ST3GAL3: variants seen among roughly 807,000 people sequenced by gnomAD.
The protein encoded by ST3GAL3 is ST3 beta-galactoside alpha-2,3-sialyltransferase 3, also known as CMP-N-acetylneuraminate-beta-1,4-galactoside alpha-2,3-sialyltransferase.
ST3GAL3 carries 21 observed loss-of-function variants against 50.1 expected under a neutral mutation model. The ratio of observed to expected loss-of-function variants is 0.42; its 90% CI spans 0.30 to 0.60. The LOEUF (loss-of-function observed/expected upper bound fraction) is 0.60. Ranked by LOEUF, ST3GAL3 falls within the 20% of genes least tolerant of loss-of-function variation. ST3GAL3 has a pLI of 0.19. For missense variants in ST3GAL3, 353 were observed against 489.4 expected (o/e 0.72, Z 2.63); for synonymous variants, 183 against 190.0 (o/e 0.96, Z 0.30).
chr1:43,810,438 A>C (rs1219322888), intron 3 of ST3GAL3, among the ~76,000 whole-genome samples: 1 of 152,148 alleles, frequency 6.6e-6, no homozygotes, highest in African/African-American at 2.4e-5. Context: ...CATTATGAGA[A>C]GGGTTTGACA....
At chr1:43,719,076 G>A (rs1289474112) in intron 1 of ST3GAL3, 1 of 152,084 alleles carries the variant, frequency 6.6e-6, no homozygotes, top group Non-Finnish European at 1.5e-5. Context: ...AACCATTGTA[G>A]ATCATTTGAT....
intron 2 of ST3GAL3, among the ~76,000 whole-genome samples, chr1:43,771,730 TTGTGTGTG>T (rs143955404): frequency 0.018 from 2,577 of 144,950 alleles, 49 homozygotes; most frequent in African/African-American, 0.053. Flanking sequence ...TTTAATAAAG[TTGTGTGTG>T]TGTGTGTGTG....
At chr1:43,801,239 G>T (rs1381203354) in intron 3 of ST3GAL3, 2 of 455,990 alleles carry the variant, frequency 4.4e-6, no homozygotes, top group Admixed American at 4.7e-5. Flanking sequence ...ATTTGTGGTT[G>T]TCATCAGTAG....
chr1:43,793,960 C>T (rs1398209772), intron 3 of ST3GAL3, among the ~76,000 whole-genome samples: 5 of 151,594 alleles, frequency 3.3e-5, no homozygotes, highest in Admixed American at 6.6e-5. Context: ...TGGCGTGTGC[C>T]TGTAGTCTGA....
chr1:43,885,430 C>T (rs1458202123), intron 5 of ST3GAL3, among the ~76,000 whole-genome samples: 1 of 152,060 alleles, frequency 6.6e-6, no homozygotes, highest in Non-Finnish European at 1.5e-5. Flanking sequence ...CCTGAGGCTG[C>T]CTCGCGTGCC....
chr1:43,769,119 A>C (rs925389960), intron 2 of ST3GAL3, among the ~76,000 whole-genome samples: 3 of 152,248 alleles, frequency 2.0e-5, no homozygotes, highest in Admixed American at 6.5e-5. Context: ...AGTGTAATTA[A>C]TCACATTCAT....
At position 43,899,794 on chromosome 1, in the gene ST3GAL3, G is replaced by A. The variant is rs997143554; in HGVS notation, c.744+67G>A. The A allele has an allele frequency of 4.1e-6, 6 of 1,447,722 alleles. No individual in the cohort carries two copies. The highest frequency in any genetic ancestry group is 2.3e-5 in the South Asian group (2 of 86,614). The allele number at this position is 1,447,722 out of a possible 1,614,324, so 89.7% of individuals were successfully genotyped here. A position where few individuals can be genotyped will look rare whatever the true frequency, so the allele number is the denominator to read the frequency against. On this transcript the variant is annotated intron_variant, in intron 9 of 11. Coordinates refer to ENST00000347631, the MANE Select transcript of ST3GAL3 (RefSeq NM_006279.5). This position sits in a 1 kb window ranked among gnomAD's most constrained non-coding sequence, Gnocchi z 5.4. ...GCTTCCGCAACTCCTAAGCAATCCC[G>A]CCCCTTGAATGCAGCAAAGAACGAG...
intron 9 of ST3GAL3, among the ~76,000 whole-genome samples, chr1:43,911,691 A>ATT (rs201013233): frequency 7.2e-5 from 10 of 138,086 alleles, no homozygotes; most frequent in East Asian, 2.1e-4. Flanking sequence ...ATAGATATGG[A>ATT]TTTTTTTTTT....
At chr1:43,876,183 C>A (rs2074085180) in intron 5 of ST3GAL3, among the ~76,000 whole-genome samples, 1 of 152,032 alleles carries the variant, frequency 6.6e-6, no homozygotes, top group African/African-American at 2.4e-5. Flanking sequence ...AGGCTGATCT[C>A]AAACTCCTGG....
At chr1:43,747,812 C>G (rs1684436600) in intron 2 of ST3GAL3, among the ~76,000 whole-genome samples, 1 of 151,956 alleles carries the variant, frequency 6.6e-6, no homozygotes, top group African/African-American at 2.4e-5. Context: ...ACCTCCTAAC[C>G]TCAGGTGATC....
At chr1:43,903,722 A>G (rs950778096) in intron 9 of ST3GAL3, among the ~76,000 whole-genome samples, 2 of 152,194 alleles carry the variant, frequency 1.3e-5, no homozygotes, top group African/African-American at 4.8e-5. Flanking sequence ...AAGCAAAGGG[A>G]GACTGAGTCC....
intron 6 of ST3GAL3, among the ~76,000 whole-genome samples, chr1:43,894,950 C>T (rs1038066006): frequency 6.6e-6 from 1 of 152,074 alleles, no homozygotes; most frequent in African/African-American, 2.4e-5. Context: ...TTACACAGAG[C>T]CCACCACTTT....
chr1:43,897,378 T>C (rs2077545283), intron 6 of ST3GAL3, among the ~76,000 whole-genome samples: 1 of 152,254 alleles, frequency 6.6e-6, no homozygotes, highest in South Asian at 2.1e-4. Context: ...ACTTTCATTT[T>C]AGAGATGAGG....
At chr1:43,721,671 G>C (rs947976743) in intron 1 of ST3GAL3, among the ~76,000 whole-genome samples, 1 of 151,744 alleles carries the variant, frequency 6.6e-6, no homozygotes, top group Non-Finnish European at 1.5e-5. Context: ...GTGTGACCTC[G>C]GCTCACTGCC....
In ST3GAL3 at chr1:43,714,432, C is replaced by CAAAAAAAAA. The variant is rs35400929; in HGVS notation, c.-31+6754_-31+6762dup. On this transcript the variant is annotated intron_variant, in intron 1 of 11. Transcript: ENST00000347631. ...GTGAAACCCCGTCTCTACTAAAATA[C>CAAAAAAAAA]AAAAAAAAAAAAAAAAAAAAAAATT... 1.8e-4 allele frequency among the ~76,000 whole-genome samples: 13 copies of CAAAAAAAAA among 73,680 alleles called. 1 individual carries two copies. Among genetic ancestry groups the CAAAAAAAAA allele is most frequent in the African/African-American group, 3.9e-4 (6 of 15,506 alleles). 48.3% of individuals were successfully genotyped at this position (73,680 alleles called of 152,430 possible). A position where few individuals can be genotyped will look rare whatever the true frequency, so the allele number is the denominator to read the frequency against.
intron 9 of ST3GAL3, 149 bp from the exon 10 acceptor site, chr1:43,920,255 C>G: frequency 1.1e-6 from 1 of 880,226 alleles, no homozygotes; most frequent in Admixed American, 2.0e-5. Context: ...TCCCCAAACA[C>G]AGATGGGCTT....
chr1:43,867,955 G>A (rs1451538649), intron 5 of ST3GAL3, among the ~76,000 whole-genome samples: 1 of 152,136 alleles, frequency 6.6e-6, no homozygotes, highest in Non-Finnish European at 1.5e-5. Flanking sequence ...GGCTATATAG[G>A]CAACATACAT....
intron 5 of ST3GAL3, 62 bp downstream of exon 5, chr1:43,838,373 ACT>A: frequency 7.0e-7 from 1 of 1,435,440 alleles, no homozygotes; most frequent in Non-Finnish European, 9.8e-7. Flanking sequence ...AGAGCCAGAA[ACT>A]CTGCCTCTCA....
intron 9 of ST3GAL3, among the ~76,000 whole-genome samples, chr1:43,910,417 T>C (rs2080601823): frequency 6.6e-6 from 1 of 152,326 alleles, no homozygotes; most frequent in Admixed American, 6.5e-5. Flanking sequence ...TCCTCATCTA[T>C]AAAATGGAAA....
Sources: allele counts gnomAD v4.1 joint callset (sites outside exome capture counted in the v4.1 genomes callset), GRCh38; gene constraint gnomAD v4.1.1; non-coding constraint Gnocchi (gnomAD v3.1); transcripts MANE v1.5; gene names NCBI Gene and HGNC (gene_info 2026-07-23, HGNC 2026-07-21).